GCDH: variants seen among roughly 807,000 people sequenced by gnomAD.
GCDH encodes glutaryl-CoA dehydrogenase, mitochondrial.
In GCDH, 31 loss-of-function variants were observed where a neutral mutation model predicts 52.8. The observed-to-expected ratio is 0.59, with a 90% CI of 0.44 to 0.79. The LOEUF (loss-of-function observed/expected upper bound fraction) is 0.79, where lower values mean the gene tolerates loss of function less well. GCDH is among the 30% of genes least tolerant of loss of function. The pLI, the probability that GCDH is intolerant of heterozygous loss-of-function variation, is 0.00. For missense variants in GCDH, 509 were observed against 595.0 expected (o/e 0.86, Z 1.50); for synonymous variants, 242 against 250.0 (o/e 0.97, Z 0.30).
intron 6 of GCDH, chr19:12,894,224 G>T (rs551150237): frequency 1.6e-6 from 2 of 1,287,148 alleles, no homozygotes; most frequent in South Asian, 1.2e-5. Context: ...TATGAGAAGC[G>T]TATGGCCACA....
chr19:12,894,419 C>T, intron 6 of GCDH: 1 of 751,486 alleles, frequency 1.3e-6, no homozygotes, highest in East Asian at 2.6e-5. Context: ...AAGAGAAGAT[C>T]AGTTCATGGT....
At position 12,896,832 on chromosome 19, in the gene GCDH, C is replaced by T. The variant is rs886290170; in HGVS notation, c.853-78C>T. On this transcript the variant is annotated intron_variant, in intron 8 of 11. Coordinates refer to ENST00000222214, the MANE Select transcript of GCDH (RefSeq NM_000159.4). The surrounding 1 kb of genome is among the most constrained non-coding windows in gnomAD (Gnocchi z 5.5). Reference sequence around the variant, plus strand: ...GTGGGGTGGCTGGGGAGGAGGCTTTCCCTGCTTCAGAGTTGGTTCTGCATA... The same window carrying T: ...GTGGGGTGGCTGGGGAGGAGGCTTTTCCTGCTTCAGAGTTGGTTCTGCATA... The T allele has an allele frequency of 3.0e-6, 3 of 1,010,334 alleles. No individual in the cohort carries two copies. In the African/African-American group the frequency reaches 4.7e-5, roughly 16 times the overall value. 62.6% of individuals were successfully genotyped at this position (1,010,334 alleles called of 1,614,324 possible).
intron 9 of GCDH, 123 bp from the exon 10 acceptor site, chr19:12,897,180 C>T: frequency 1.5e-6 from 2 of 1,349,266 alleles, no homozygotes; most frequent in South Asian, 1.2e-5. Flanking sequence ...AACGGCAGGG[C>T]CAGGGCAAGC....
In GCDH at chr19:12,899,577, T is replaced by C. The variant is rs1222869202; in HGVS notation, c.*36T>C. On this transcript the variant is annotated 3_prime_UTR_variant, in exon 12 of 12. Transcript: ENST00000222214. Reference sequence around the variant, plus strand: ...CAGGGGCCCGAAACTCTCAAGCCCCTTTCTGGAGAGATGCCTGGCTGGACC... The same window carrying C: ...CAGGGGCCCGAAACTCTCAAGCCCCCTTCTGGAGAGATGCCTGGCTGGACC... 1.9e-6 allele frequency: 3 copies of C among 1,613,996 alleles called. No individual in the cohort carries two copies. In the East Asian group the frequency reaches 6.7e-5, roughly 36 times the overall value.
chr19:12,897,513 C>G, intron 10 of GCDH, 85 bp downstream of exon 10: 1 of 1,529,606 alleles, frequency 6.5e-7, no homozygotes, highest in Non-Finnish European at 9.0e-7. Context: ...GTCCTTCCTG[C>G]CTGGTGGCCC....
chr19:12,898,198 G>A (rs753855227), intron 11 of GCDH: 82 of 400,828 alleles, frequency 2.0e-4, no homozygotes, highest in Non-Finnish European at 1.9e-4. Context: ...GCTGGTGGAC[G>A]CAAGGGAGTG....
Position 12,896,497 on chromosome 19 carries a change from G to C in GCDH, c.852+76G>C. The stretch of plus-strand genomic sequence containing the variant: ...CTTTGTCAGGCAGGCTCCGTGCTGG[G>C]GACGCGGCTCCCTGTGCCTGTGGAG... On this transcript the variant is annotated intron_variant, in intron 8 of 11. Coordinates refer to ENST00000222214, the MANE Select transcript of GCDH (RefSeq NM_000159.4). The surrounding 1 kb of genome is among the most constrained non-coding windows in gnomAD (Gnocchi z 5.5). 2 of 1,111,044 alleles carry C rather than the reference G, an allele frequency of 1.8e-6. No homozygotes were observed. Among genetic ancestry groups the C allele is most frequent in the East Asian group, 5.1e-5 (2 of 39,536 alleles). The allele number at this position is 1,111,044 out of a possible 1,614,324, so 68.8% of individuals were successfully genotyped here.
chr19:12,893,186 C>T (rs1970598110), intron 5 of GCDH, among the ~76,000 whole-genome samples: 1 of 152,090 alleles, frequency 6.6e-6, no homozygotes, highest in African/African-American at 2.4e-5. Flanking sequence ...CGTGCCTGGC[C>T]CCTTTGTTTC....
intron 6 of GCDH, chr19:12,894,889 G>T (rs1970638082): frequency 1.3e-5 from 5 of 373,152 alleles, no homozygotes; most frequent in African/African-American, 4.5e-5. Flanking sequence ...AAGATTTTTT[G>T]AGTAACAAAT....
At chr19:12,895,889 G>T (rs990132196) in intron 6 of GCDH, 103 bp from the exon 7 acceptor site, 10 of 1,443,338 alleles carry the variant, frequency 6.9e-6, no homozygotes, top group Non-Finnish European at 9.6e-6. Flanking sequence ...TAAAGTGCTG[G>T]GATGACAGGC....
rs1187912221 is a variant in GCDH at position 12,896,488 on chromosome 19, C to T, written c.852+67C>T. The stretch of plus-strand genomic sequence containing the variant: ...CGGATGCGGCTTTGTCAGGCAGGCT[C>T]CGTGCTGGGGACGCGGCTCCCTGTG... On this transcript the variant is annotated intron_variant, in intron 8 of 11. Transcript: ENST00000222214. This position sits in a 1 kb window ranked among gnomAD's most constrained non-coding sequence, Gnocchi z 5.5. 3.2e-6 allele frequency: 4 copies of T among 1,232,472 alleles called. No individual in the cohort carries two copies. Among genetic ancestry groups the T allele is most frequent in the East Asian group, 2.5e-5 (1 of 40,680 alleles). The allele number at this position is 1,232,472 out of a possible 1,614,324, so 76.3% of individuals were successfully genotyped here. A position where few individuals can be genotyped will look rare whatever the true frequency, so the allele number is the denominator to read the frequency against.
rs767535651 is a variant in GCDH at position 12,891,509 on chromosome 19, C to A, written c.114C>A (p.Ser38Arg). 6 of 1,614,076 alleles carry A rather than the reference C, an allele frequency of 3.7e-6. No homozygotes were observed. The African/African-American group carries it at 8.0e-5, about 22-fold the overall frequency. ...AQTEKGGRTQSQLAKSSRPEF... is the reference protein window; with the variant it reads ...AQTEKGGRTQRQLAKSSRPEF... ...CAGAGAAAGGCGGGAGAACACAGAG[C>A]CAACTGGCTAAGTGTAAGGACCTCT... The change falls in exon 3 of 12, where the codon AGC becomes AGA. Residue 38 changes from serine (S) to arginine (R), a missense_variant. Coordinates refer to ENST00000222214, the MANE Select transcript of GCDH (RefSeq NM_000159.4).
At chr19:12,895,295 C>T (rs912613240) in intron 6 of GCDH, among the ~76,000 whole-genome samples, 30 of 152,022 alleles carry the variant, frequency 2.0e-4, no homozygotes, top group African/African-American at 5.1e-4. Flanking sequence ...AGTCCCGCTC[C>T]GTCCCCCAGG....
intron 6 of GCDH, chr19:12,894,764 AAACTTTTGGCCAAGAGAAT>A (rs1970635719): frequency 1.2e-6 from 1 of 828,836 alleles, no homozygotes; most frequent in African/African-American, 1.7e-5. Flanking sequence ...AGAATATGCT[AAACTTTTGGCCAAGAGAAT>A]GAAGGAGGCT....
intron 5 of GCDH, 145 bp downstream of exon 5, chr19:12,892,323 G>A (rs1282827004): frequency 1.0e-5 from 8 of 795,414 alleles, no homozygotes; most frequent in South Asian, 1.6e-5. Flanking sequence ...ACAGAGTCTG[G>A]CTCTGTTGCC....
chr19:12,891,241 AG>A (rs1970546247), intron 1 of GCDH, 29 bp from the exon 2 acceptor site: 1 of 1,360,670 alleles, frequency 7.3e-7, no homozygotes, highest in Non-Finnish European at 1.0e-6. Flanking sequence ...GGGTGAGAGG[AG>A]CTCCGCTCTG....
In GCDH at chr19:12,896,567, T is replaced by G. The variant is rs1970686556; in HGVS notation, c.852+146T>G. On this transcript the variant is annotated intron_variant, in intron 8 of 11. Coordinates refer to ENST00000222214, the MANE Select transcript of GCDH (RefSeq NM_000159.4). The surrounding 1 kb of genome is among the most constrained non-coding windows in gnomAD (Gnocchi z 5.5). ...TACTCAGCCGGACTCGCTGACGTGC[T>G]GAAAACTGCCCCCATTTGGTGACCG... The G allele has an allele frequency of 1.3e-6, 1 of 742,020 alleles. No homozygotes were observed. The highest frequency in any genetic ancestry group is 2.0e-5 in the Admixed American group (1 of 49,166). 46.0% of individuals were successfully genotyped at this position (742,020 alleles called of 1,614,324 possible). A position where few individuals can be genotyped will look rare whatever the true frequency, so the allele number is the denominator to read the frequency against.
At chr19:12,894,927 A>C (rs1970639192) in intron 6 of GCDH, 2 of 421,220 alleles carry the variant, frequency 4.7e-6, no homozygotes, top group East Asian at 4.9e-5. Flanking sequence ...AAAAAAAAAA[A>C]ACCCACAAGG....
chr19:12,898,815 T>C (rs761899384), intron 11 of GCDH: 4 of 170,820 alleles, frequency 2.3e-5, no homozygotes, highest in Non-Finnish European at 3.8e-5. Flanking sequence ...CTTTAGGAAG[T>C]AAACAGAATT....
Sources: gnomAD v4.1 joint callset for allele counts (sites outside exome capture counted in the v4.1 genomes callset) on GRCh38, gnomAD v4.1.1 for gene constraint, Gnocchi (gnomAD v3.1) non-coding constraint, MANE v1.5 for transcripts, NCBI Gene and HGNC (gene_info 2026-07-23, HGNC 2026-07-21) for gene names.